Variants in FAS observed in about 807,000 individuals in gnomAD.
The protein encoded by FAS is Fas cell surface death receptor.
FAS carries 5 observed loss-of-function variants against 33.2 expected under a neutral mutation model. The ratio of observed to expected loss-of-function variants is 0.15; its 90% CI spans 0.08 to 0.32. The LOEUF (loss-of-function observed/expected upper bound fraction) is 0.32. Ranked by LOEUF, FAS falls within the 10% of genes least tolerant of loss-of-function variation. FAS has a pLI of 1.00. For synonymous variants in FAS, 131 were observed against 130.7 expected, an observed-to-expected ratio of 1.00 and a Z score of -0.01; for missense variants, 339 against 386.0, an observed-to-expected ratio of 0.88 and a Z score of 1.02.
chr10:88,978,786 G>T (rs893885592), intron 2 of FAS, among the ~76,000 whole-genome samples: 2 of 152,142 alleles, frequency 1.3e-5, no homozygotes, highest in Non-Finnish European at 2.9e-5. Context: ...ATGCTAAATT[G>T]TTCCACGTCT....
chr10:88,987,194 T>G (rs2133367041), upstream of FAS, among the ~76,000 whole-genome samples: 1 of 152,336 alleles, frequency 6.6e-6, no homozygotes, highest in South Asian at 2.1e-4. Context: ...TATCCCTAGA[T>G]AGCAGTCTAC....
At chr10:88,971,668 T>TAGC (rs1270075143) in intron 1 of FAS, among the ~76,000 whole-genome samples, 2 of 152,226 alleles carry the variant, frequency 1.3e-5, no homozygotes, top group East Asian at 3.8e-4. Flanking sequence ...TATCTTTTTG[T>TAGC]AACTAATAGG....
At chr10:88,981,626 A>C (rs975165626) in intron 2 of FAS, among the ~76,000 whole-genome samples, 8 of 152,152 alleles carry the variant, frequency 5.3e-5, no homozygotes, top group Admixed American at 1.3e-4. Context: ...TACCACAAGC[A>C]GTGGGGTGGG....
At chr10:88,966,563 T>A (rs1402351864) in intron 1 of FAS, among the ~76,000 whole-genome samples, 1 of 152,180 alleles carries the variant, frequency 6.6e-6, no homozygotes, top group Non-Finnish European at 1.5e-5. Flanking sequence ...GTCTGTGAGG[T>A]AATAAGCAGA....
At chr10:89,010,633 C>A (rs747051611) in intron 5 of FAS, 33 bp downstream of exon 5, 17 of 1,608,754 alleles carry the variant, frequency 1.1e-5, no homozygotes, top group Non-Finnish European at 1.4e-5. Context: ...ATTCTCCTTT[C>A]CCCCAACCCC....
rs762719406 is a variant in FAS at position 89,014,129 on chromosome 10, G to C, written c.687G>C (p.Leu229Phe). Residue 229 changes from leucine to phenylalanine, a missense_variant, in exon 9 of 9, where the codon TTG (leucine) becomes TTC (phenylalanine). Around this residue, in one of 3 missense-constraint regions of FAS, gnomAD observed 276 missense variants for 300.1 expected, o/e 0.92. Coordinates refer to ENST00000652046, the MANE Select transcript of FAS (RefSeq NM_000043.6). ...TVAINLSDVD[L>F]SKYITTIAGV... The stretch of plus-strand genomic sequence containing the variant: ...TTTTCTATTTTTCAGATGTTGACTT[G>C]AGTAAATATATCACCACTATTGCTG... 3 of 1,613,408 alleles carry C rather than the reference G, an allele frequency of 1.9e-6. No individual in the cohort carries two copies. Among genetic ancestry groups the C allele is most frequent in the East Asian group, 2.2e-5 (1 of 44,850 alleles).
In FAS at chr10:89,007,692, T is replaced by C. The variant is rs2133501996; in HGVS notation, c.197-8T>C. On this transcript the variant is annotated splice_region_variant and splice_polypyrimidine_tract_variant and intron_variant, in intron 2 of 8. Transcript: ENST00000652046. ...GTTCAAACACTTGCTCCTTTTTTCC[T>C]TGGGCAGGTGAAAGGAAAGCTAGGG... is the stretch of plus-strand genomic sequence containing the variant. The C allele has an allele frequency of 2.5e-6, 4 of 1,612,774 alleles. No individual in the cohort carries two copies. The highest frequency in any genetic ancestry group is 1.1e-5 in the South Asian group (1 of 91,034).
chr10:88,996,610 A>G (rs903377431), intron 1 of FAS, among the ~76,000 whole-genome samples: 1 of 152,208 alleles, frequency 6.6e-6, no homozygotes, highest in Non-Finnish European at 1.5e-5. Context: ...CGCCACACAC[A>G]CACAAAAGAA....
chr10:88,970,648 T>A (rs144030131), intron 1 of FAS, among the ~76,000 whole-genome samples: 3 of 152,126 alleles, frequency 2.0e-5, no homozygotes, highest in Non-Finnish European at 4.4e-5. Flanking sequence ...TTGCTGAGAA[T>A]GATGGTTGGG....
At chr10:88,966,242 T>C (rs1846315980) in intron 1 of FAS, among the ~76,000 whole-genome samples, 1 of 152,194 alleles carries the variant, frequency 6.6e-6, no homozygotes, top group African/African-American at 2.4e-5. Flanking sequence ...TCTTCATCAA[T>C]ATTATCATAG....
chr10:89,003,151 C>T lies in FAS; in HGVS notation c.153C>T (p.Gly51=). The T allele has an allele frequency of 6.2e-7, 1 of 1,614,134 alleles. No individual in the cohort carries two copies. The highest frequency in any genetic ancestry group is 8.5e-7 in the Non-Finnish European group (1 of 1,180,008). ...VTTVETQNLE[G]LHHDGQFCHK... ...CAGTTGAGACTCAGAACTTGGAAGG[C>T]CTGCATCATGATGGCCAATTCTGCC... The change falls in exon 2 of 9, where the codon GGC becomes GGT. Residue 51 remains glycine, a synonymous_variant. Coordinates refer to ENST00000652046, the MANE Select transcript of FAS (RefSeq NM_000043.6).
intron 1 of FAS, among the ~76,000 whole-genome samples, chr10:88,994,850 T>C (rs7897395): frequency 0.57 from 86,342 of 150,608 alleles, 26,070 homozygotes; most frequent in African/African-American, 0.78. Context: ...TTTTTATAAT[T>C]TACTATTGAA....
intron 2 of FAS, among the ~76,000 whole-genome samples, chr10:89,004,571 AC>A (rs1848118888): frequency 6.7e-6 from 1 of 148,710 alleles, no homozygotes; most frequent in Non-Finnish European, 1.5e-5. Context: ...ATACGAAAAT[AC>A]CCTGAGAAAA....
chr10:88,983,609 CAAAAAAAAAAAAAAAA>C (rs71022549), upstream of FAS, among the ~76,000 whole-genome samples: 3 of 46,458 alleles, frequency 6.5e-5, no homozygotes, highest in East Asian at 1.7e-3. Context: ...ACAGGTTATG[CAAAAAAAAAAAAAAAA>C]AAAAAAAAAA....
At chr10:89,007,266 T>C (rs1399832729) in intron 2 of FAS, among the ~76,000 whole-genome samples, 1 of 152,216 alleles carries the variant, frequency 6.6e-6, no homozygotes, top group Non-Finnish European at 1.5e-5. Context: ...TTTGTGGACT[T>C]TGGAAAGTAA....
rs142575297 is a variant in FAS at position 88,972,000 on chromosome 10, C to T, written n.95-1182C>T. Reference sequence around the variant, plus strand: ...CTCAGCTCACTGCAACTTCTGCCTCCCCAGTTCATGCTATTCTCCTGCTTC... The same window carrying T: ...CTCAGCTCACTGCAACTTCTGCCTCTCCAGTTCATGCTATTCTCCTGCTTC... On this transcript the variant is annotated intron_variant and non_coding_transcript_variant, in intron 1 of 3. Coordinates refer to the FAS transcript ENST00000688239. Among the ~76,000 whole-genome samples, 937 of 152,080 alleles carry T rather than the reference C, an allele frequency of 6.2e-3. 3 individuals carry two copies. The highest frequency in any genetic ancestry group is 9.0e-3 in the Non-Finnish European group (613 of 67,988).
chr10:88,987,080 T>G (rs898667026), upstream of FAS, among the ~76,000 whole-genome samples: 4 of 152,212 alleles, frequency 2.6e-5, no homozygotes, highest in East Asian at 7.7e-4. Context: ...CCCATACATA[T>G]TTCTATTAAT....
intron 2 of FAS, chr10:88,973,652 C>T (rs1846498682): frequency 1.1e-5 from 2 of 183,294 alleles, no homozygotes; most frequent in East Asian, 2.7e-4. Flanking sequence ...AAAGGGCCCT[C>T]ATTAATTTAC....
upstream of FAS, chr10:88,990,764 C>T (rs1490084330): frequency 7.2e-7 from 1 of 1,397,964 alleles, no homozygotes; most frequent in East Asian, 2.3e-5. The surrounding 1 kb of genome is among the most constrained non-coding windows in gnomAD (Gnocchi z 4.9). Context: ...GGAACACACC[C>T]TGAGGCCAGC....
Sources: gnomAD v4.1 joint callset for allele counts (sites outside exome capture counted in the v4.1 genomes callset) on GRCh38, gnomAD v4.1.1 for gene constraint, gnomAD v4.1.1 regional missense constraint, Gnocchi (gnomAD v3.1) non-coding constraint, MANE v1.5 for transcripts, NCBI Gene and HGNC (gene_info 2026-07-23, HGNC 2026-07-21) for gene names.